MICAL3: variants seen among roughly 807,000 people sequenced by gnomAD.
MICAL3 encodes the protein [F-actin]-monooxygenase MICAL3.
A neutral mutation model predicts 207.4 loss-of-function variants in MICAL3; 62 were observed. That is an observed-to-expected ratio of 0.30 (90% CI 0.24 to 0.37). The LOEUF is 0.37. MICAL3 is among the 10% of genes least tolerant of loss of function. The probability of loss-of-function intolerance (pLI) is 1.00; values close to 1 mark genes in which losing one functional copy is unlikely to be tolerated. For missense variants in MICAL3, 2,368 were observed against 2,635.6 expected (o/e 0.90, Z 2.22); for synonymous variants, 1,077 against 1,069.3 (o/e 1.01, Z -0.14).
At chr22:18,024,173 T>TC (rs766909212) in intron 1 of MICAL3, 108 bp downstream of exon 1, 7 of 152,218 alleles carry the variant, frequency 4.6e-5, no homozygotes, top group Non-Finnish European at 7.3e-5. Context: ...AGGAAACGCT[T>TC]CCCCACCATA....
intron 29 of MICAL3, among the ~76,000 whole-genome samples, chr22:17,807,930 G>A (rs562128907): frequency 3.3e-5 from 5 of 152,324 alleles, no homozygotes; most frequent in South Asian, 2.1e-4. Context: ...CAATTTAAAC[G>A]CTGAACCTGC....
At chr22:17,919,590 G>C (rs1296780834) in intron 1 of MICAL3, among the ~76,000 whole-genome samples, 3 of 152,254 alleles carry the variant, frequency 2.0e-5, no homozygotes, top group Admixed American at 2.0e-4. Flanking sequence ...AAAATGAACT[G>C]TGTGCTTTCA....
In MICAL3 at chr22:17,789,218, G is replaced by A. The variant is rs1035554340; in HGVS notation, c.*1514C>T. The A allele has an allele frequency of 1.3e-5, 2 of 152,248 alleles. No individual in the cohort carries two copies. The highest frequency in any genetic ancestry group is 4.8e-5 in the African/African-American group (2 of 41,468). 9.4% of individuals were successfully genotyped at this position (152,248 alleles called of 1,614,324 possible). ...GCGGGAGTCGCTGATCTGCTTGAGA[G>A]GCACCAGCCTGCATCCCAGCATCCA... On this transcript the variant is annotated 3_prime_UTR_variant, in exon 32 of 32. Transcript: ENST00000441493.
chr22:17,923,772 T>C (rs1351429028), intron 1 of MICAL3, among the ~76,000 whole-genome samples: 1 of 152,264 alleles, frequency 6.6e-6, no homozygotes. Context: ...TAGAAAGTGT[T>C]ACTGCTGTGA....
At chr22:17,962,251 A>T (rs1361016835) in intron 1 of MICAL3, among the ~76,000 whole-genome samples, 2 of 145,414 alleles carry the variant, frequency 1.4e-5, no homozygotes, top group Admixed American at 1.4e-4. Context: ...CGAACAAGCA[A>T]ACATGTCCTC....
chr22:17,916,476 A>G (rs534746321), intron 1 of MICAL3, among the ~76,000 whole-genome samples: 72 of 152,308 alleles, frequency 4.7e-4, no homozygotes, highest in African/African-American at 1.6e-3. Flanking sequence ...AGAATTGTCA[A>G]TGCTTTGTTC....
At chr22:17,959,746 G>A (rs1368735852) in intron 1 of MICAL3, among the ~76,000 whole-genome samples, 6 of 152,130 alleles carry the variant, frequency 3.9e-5, no homozygotes, top group Non-Finnish European at 1.5e-5. Flanking sequence ...AATTAAGTAG[G>A]TTAGGGAAAT....
intron 22 of MICAL3, among the ~76,000 whole-genome samples, chr22:17,824,788 G>A (rs1181269942): frequency 2.6e-5 from 4 of 152,196 alleles, no homozygotes; most frequent in African/African-American, 9.7e-5. Context: ...ATTTCTATTG[G>A]TTAAAACCTC....
intron 11 of MICAL3, among the ~76,000 whole-genome samples, chr22:17,892,761 C>T (rs962524952): frequency 6.6e-6 from 1 of 152,216 alleles, no homozygotes; most frequent in Non-Finnish European, 1.5e-5. Context: ...GCCTGCTGGT[C>T]CTCACATCCA....
In MICAL3 at chr22:17,841,576, G is replaced by C. The variant is rs958841682; in HGVS notation, c.2801+246C>G. Reference sequence around the variant, plus strand: ...ACTTTCCTTCCCAATGACAGACTTGGAGCTGGGGACATGTCAGGTCCTCAA... The same window carrying C: ...ACTTTCCTTCCCAATGACAGACTTGCAGCTGGGGACATGTCAGGTCCTCAA... On this transcript the variant is annotated intron_variant, in intron 20 of 31. Transcript: ENST00000441493. This position sits in a 1 kb window ranked among gnomAD's most constrained non-coding sequence, Gnocchi z 4.2. 1.0e-5 allele frequency: 6 copies of C among 577,178 alleles called. No homozygotes were observed. Among genetic ancestry groups the C allele is most frequent in the African/African-American group, 7.5e-5 (4 of 53,652 alleles). 35.8% of individuals were successfully genotyped at this position (577,178 alleles called of 1,614,324 possible).
intron 1 of MICAL3, among the ~76,000 whole-genome samples, chr22:17,940,291 G>C (rs1343314160): frequency 1.3e-5 from 2 of 152,192 alleles, no homozygotes; most frequent in Admixed American, 1.3e-4. Flanking sequence ...TGTAGCCCCA[G>C]CTACTCAGGG....
At position 17,817,470 on chromosome 22, in the gene MICAL3, C is replaced by T; in HGVS notation, c.5191G>A (p.Glu1731Lys). Residue 1731 changes from glutamate to lysine, a missense_variant, in exon 26 of 32, where the codon GAA becomes AAA. Glu to Lys is a moderately conservative substitution (Grantham distance 56). Transcript: ENST00000441493. ...AGGGACTTGGGTTTGGCGGCGGCTT[C>T]TTCTAGGAGGTTGGAGCTGGGCTTC... ...PEKPSSNLLE[E>K]AAAKPKSLWK... The T allele has an allele frequency of 6.2e-7, 1 of 1,613,762 alleles. No individual in the cohort carries two copies. Among genetic ancestry groups the T allele is most frequent in the Non-Finnish European group, 8.5e-7 (1 of 1,179,878 alleles).
In MICAL3 at chr22:17,902,791, G is replaced by A. The variant is rs746332845; in HGVS notation, c.473-44C>T. The A allele has an allele frequency of 8.0e-7, 1 of 1,242,564 alleles. No homozygotes were observed. Among genetic ancestry groups the A allele is most frequent in the Non-Finnish European group, 1.2e-6 (1 of 865,954 alleles). 77.0% of individuals were successfully genotyped at this position (1,242,564 alleles called of 1,614,324 possible). On this transcript the variant is annotated intron_variant, in intron 3 of 31. Transcript: ENST00000441493. This position sits in a 1 kb window ranked among gnomAD's most constrained non-coding sequence, Gnocchi z 4.5. Reference sequence around the variant, plus strand: ...GACGTTGATGGGAACACATGGAGAAGGGGGTACCCATCCGTGTCGCAGCTC... The same window carrying A: ...GACGTTGATGGGAACACATGGAGAAAGGGGTACCCATCCGTGTCGCAGCTC...
intron 27 of MICAL3, chr22:17,815,458 C>T (rs912104682): frequency 6.6e-6 from 1 of 152,304 alleles, no homozygotes; most frequent in Non-Finnish European, 1.5e-5. Context: ...CAGCACCCAT[C>T]ACCAGTATTG....
chr22:17,842,665 CCT>C (rs1924156361), intron 19 of MICAL3, among the ~76,000 whole-genome samples: 1 of 152,256 alleles, frequency 6.6e-6, no homozygotes, highest in South Asian at 2.1e-4. Flanking sequence ...GGCACCCAGG[CCT>C]CTCTGCGATG....
At chr22:17,898,684 C>G (rs1018157426) in intron 7 of MICAL3, among the ~76,000 whole-genome samples, 3 of 152,196 alleles carry the variant, frequency 2.0e-5, no homozygotes, top group Non-Finnish European at 4.4e-5. Context: ...GTGATTCTCA[C>G]GTTGAGACCA....
intron 29 of MICAL3, 200 bp from the exon 30 acceptor site, chr22:17,791,501 C>T: frequency 1.7e-6 from 1 of 596,712 alleles, no homozygotes; most frequent in Non-Finnish European, 3.0e-6. Context: ...CGTGTCCTGC[C>T]ATCCCTGTTC....
intron 22 of MICAL3, among the ~76,000 whole-genome samples, chr22:17,824,072 GC>G (rs540082070): frequency 1.0e-3 from 151 of 149,450 alleles, no homozygotes; most frequent in African/African-American, 3.6e-3. Context: ...CCAGGAGCCG[GC>G]CCCTAAGCAC....
At chr22:17,959,096 A>G (rs1264750269) in intron 1 of MICAL3, among the ~76,000 whole-genome samples, 1 of 141,166 alleles carries the variant, frequency 7.1e-6, no homozygotes, top group Non-Finnish European at 1.5e-5. Flanking sequence ...GCTCACTACA[A>G]GCTCCGCCTC....
Sources: gnomAD v4.1 joint callset for allele counts (sites outside exome capture counted in the v4.1 genomes callset) on GRCh38, gnomAD v4.1.1 for gene constraint, Gnocchi (gnomAD v3.1) non-coding constraint, MANE v1.5 for transcripts, NCBI Gene and HGNC (gene_info 2026-07-23, HGNC 2026-07-21) for gene names.